DLGAP1: variants seen among roughly 807,000 people sequenced by gnomAD.
DLGAP1 encodes the protein disks large-associated protein 1.
In DLGAP1, 11 loss-of-function variants were observed where a neutral mutation model predicts 90.8. That is an observed-to-expected ratio of 0.12 (90% CI 0.08 to 0.20). DLGAP1 has a LOEUF of 0.20. Ranked by LOEUF, DLGAP1 falls within the 10% of genes least tolerant of loss-of-function variation. The pLI, the probability that DLGAP1 is intolerant of heterozygous loss-of-function variation, is 1.00. For synonymous variants in DLGAP1, 558 were observed against 540.7 expected, an observed-to-expected ratio of 1.03 and a Z score of -0.44; for missense variants, 1,050 against 1,333.8, an observed-to-expected ratio of 0.79 and a Z score of 3.31.
Position 4,026,939 on chromosome 18 carries a change from G to T in DLGAP1, c.-158-21738C>A, listed in dbSNP as rs368734768. 6.2e-4 allele frequency among the ~76,000 whole-genome samples: 94 copies of T among 152,188 alleles called. 1 individual carries two copies. The South Asian group carries it at 0.019, about 31-fold the overall frequency. The stretch of plus-strand genomic sequence containing the variant: ...GTACAGGTGGTGGCTCAGCCCCAAG[G>T]GAGGCTCGGCCTGAATAACCTCACT... On this transcript the variant is annotated intron_variant, in intron 2 of 12. Coordinates refer to ENST00000315677, the MANE Select transcript of DLGAP1 (RefSeq NM_004746.4).
At chr18:3,799,801 T>A (rs1374307821) in intron 5 of DLGAP1, among the ~76,000 whole-genome samples, 1 of 152,132 alleles carries the variant, frequency 6.6e-6, no homozygotes, top group East Asian at 1.9e-4. Flanking sequence ...TCCCCAAGGA[T>A]CATTCCTCCC....
At chr18:4,211,530 G>C (rs2077841483) in intron 1 of DLGAP1, among the ~76,000 whole-genome samples, 1 of 152,064 alleles carries the variant, frequency 6.6e-6, no homozygotes, top group East Asian at 1.9e-4. Context: ...TGTTGTATTA[G>C]AGCCCAGTGA....
At chr18:3,821,893 C>A in intron 4 of DLGAP1, 1 of 985,156 alleles carries the variant, frequency 1.0e-6, no homozygotes, top group Non-Finnish European at 1.2e-6. Context: ...CCTACTCACT[C>A]GATTTCTTTG....
chr18:4,199,466 T>G (rs1373172736), intron 1 of DLGAP1, among the ~76,000 whole-genome samples: 1 of 152,222 alleles, frequency 6.6e-6, no homozygotes, highest in African/African-American at 2.4e-5. Context: ...TATTTTACCA[T>G]GGATGTCAGA....
At chr18:4,428,847 A>G (rs1375072808) in intron 1 of DLGAP1, among the ~76,000 whole-genome samples, 1 of 152,202 alleles carries the variant, frequency 6.6e-6, no homozygotes, top group Non-Finnish European at 1.5e-5. Context: ...TGGAGGGTGA[A>G]AGTGGGGTTC....
rs574014189 is a variant in DLGAP1, at chr18:4,314,796, T to C, written c.-267+140210A>G. On this transcript the variant is annotated intron_variant, in intron 1 of 12. Coordinates refer to ENST00000315677, the MANE Select transcript of DLGAP1 (RefSeq NM_004746.4). ...CATAGGATGGTACGTTAGGGCGTGG[T>C]GAAGAATAAAAGAAAAGTCTAATTG... Among the ~76,000 whole-genome samples the C allele has an allele frequency of 2.2e-4, 34 of 152,144 alleles. No homozygotes were observed. In the South Asian group the frequency reaches 4.1e-3, roughly 19 times the overall value.
chr18:4,247,075 G>T (rs778710328), intron 1 of DLGAP1, among the ~76,000 whole-genome samples: 3 of 152,040 alleles, frequency 2.0e-5, no homozygotes, highest in Non-Finnish European at 4.4e-5. Context: ...GTTGTAATAG[G>T]ACAAGGAGGA....
intron 1 of DLGAP1, among the ~76,000 whole-genome samples, chr18:4,186,625 A>T (rs988474829): frequency 1.3e-5 from 2 of 151,998 alleles, no homozygotes; most frequent in African/African-American, 2.4e-5. Flanking sequence ...ATTCTATTCC[A>T]TTGGTCTATG....
intron 10 of DLGAP1, among the ~76,000 whole-genome samples, chr18:3,512,192 T>C (rs1408714087): frequency 6.6e-6 from 1 of 152,150 alleles, no homozygotes; most frequent in Non-Finnish European, 1.5e-5. Flanking sequence ...AGGCAAGCCG[T>C]TTAACCATGA....
chr18:4,004,363 TACCCCC>T (rs200267482), intron 3 of DLGAP1, among the ~76,000 whole-genome samples: 10,024 of 152,138 alleles, frequency 0.066, 953 homozygotes, highest in African/African-American at 0.21. Flanking sequence ...GGGGAACAGC[TACCCCC>T]GAGGCCCTCT....
intron 3 of DLGAP1, among the ~76,000 whole-genome samples, chr18:3,973,736 G>A (rs778159005): frequency 1.1e-4 from 17 of 152,138 alleles, no homozygotes; most frequent in Non-Finnish European, 2.2e-4. Flanking sequence ...AGAAAGTTCC[G>A]GGGAAGGCCC....
chr18:3,692,807 C>G (rs1289378947), intron 7 of DLGAP1, among the ~76,000 whole-genome samples: 1 of 152,198 alleles, frequency 6.6e-6, no homozygotes, highest in Non-Finnish European at 1.5e-5. Flanking sequence ...TCAAGAAGCT[C>G]TGTCCCTGGA....
chr18:4,293,059 G>A (rs1045985942), intron 1 of DLGAP1: 6 of 152,204 alleles, frequency 3.9e-5, no homozygotes, highest in African/African-American at 2.4e-5. Flanking sequence ...ACAAGGAAAC[G>A]GAGATGAAAT....
chr18:4,125,504 A>G (rs1360321708), intron 2 of DLGAP1, among the ~76,000 whole-genome samples: 1 of 152,208 alleles, frequency 6.6e-6, no homozygotes, highest in African/African-American at 2.4e-5. Context: ...AAAAAGCCCC[A>G]GACTCAGTGT....
intron 7 of DLGAP1, among the ~76,000 whole-genome samples, chr18:3,605,713 A>G (rs2057295700): frequency 6.6e-6 from 1 of 152,050 alleles, no homozygotes; most frequent in East Asian, 1.9e-4. Flanking sequence ...GAAGGGCAGA[A>G]CTCTGATCTC....
At chr18:4,008,237 A>ACACACACACACACT (rs2074345769) in intron 2 of DLGAP1, among the ~76,000 whole-genome samples, 1 of 151,724 alleles carries the variant, frequency 6.6e-6, no homozygotes, top group Non-Finnish European at 1.5e-5. Flanking sequence ...ACACACACAC[A>ACACACACACACACT]CACACACACA....
At chr18:4,128,881 T>C (rs770837981) in intron 2 of DLGAP1, among the ~76,000 whole-genome samples, 10 of 152,152 alleles carry the variant, frequency 6.6e-5, no homozygotes, top group African/African-American at 1.2e-4. Context: ...AACAACTAAC[T>C]GCTGGTAAAC....
chr18:4,151,957 C>G (rs1050549369), intron 1 of DLGAP1, among the ~76,000 whole-genome samples: 1 of 152,046 alleles, frequency 6.6e-6, no homozygotes, highest in African/African-American at 2.4e-5. Flanking sequence ...GTACATGTAT[C>G]CCAGAACTTA....
chr18:4,304,090 A>C (rs998556862), intron 1 of DLGAP1, among the ~76,000 whole-genome samples: 9 of 152,204 alleles, frequency 5.9e-5, no homozygotes, highest in African/African-American at 2.2e-4. Flanking sequence ...TGGCATGTAC[A>C]TTTTTTAGTC....
Sources: gnomAD v4.1 joint callset for allele counts (sites outside exome capture counted in the v4.1 genomes callset) on GRCh38, gnomAD v4.1.1 for gene constraint, MANE v1.5 for transcripts, NCBI Gene and HGNC (gene_info 2026-07-23, HGNC 2026-07-21) for gene names.